The following ATRX variants were observed in gnomAD, a reference collection of about 807,000 sequenced individuals.
ATRX encodes the protein chromatin remodeler ATRX.
ATRX carries 12 observed loss-of-function variants against 172.6 expected under a neutral mutation model. That is an observed-to-expected ratio of 0.07 (90% CI 0.04 to 0.11). ATRX has a LOEUF of 0.11. ATRX is among the 10% of genes least tolerant of loss of function. ATRX has a pLI of 1.00. For synonymous variants in ATRX, 674 were observed against 594.7 expected, an observed-to-expected ratio of 1.13 and a Z score of -1.94; for missense variants, 1,368 against 1,767.4, an observed-to-expected ratio of 0.77 and a Z score of 4.05.
intron 21 of ATRX, among the ~76,000 whole-genome samples, chrX:77,618,076 A>C (rs1236775341): frequency 2.7e-5 from 3 of 111,574 alleles, no homozygotes; most frequent in East Asian, 5.6e-4. Flanking sequence ...ATTTTTTAAA[A>C]AAATATTTTT....
chrX:77,737,079 G>A (rs2074603836), intron 1 of ATRX, among the ~76,000 whole-genome samples: 1 of 109,847 alleles, frequency 9.1e-6, no homozygotes, highest in South Asian at 3.9e-4. Flanking sequence ...GGGGCAAGAT[G>A]TGGTGACGTT....
chrX:77,707,573 C>T (rs1028381813), intron 2 of ATRX, among the ~76,000 whole-genome samples: 9 of 110,921 alleles, frequency 8.1e-5, no homozygotes, highest in African/African-American at 3.0e-4. Flanking sequence ...ATTAAGACCC[C>T]ATCTCTATAA....
At chrX:77,570,195 T>C (rs1299657383) in intron 28 of ATRX, among the ~76,000 whole-genome samples, 2 of 110,832 alleles carry the variant, frequency 1.8e-5, no homozygotes, top group African/African-American at 3.3e-5. Context: ...TTTTTTTTTT[T>C]TGAGACAGTG....
chrX:77,544,669 C>CT (rs1418670112), intron 30 of ATRX, among the ~76,000 whole-genome samples: 2 of 107,295 alleles, frequency 1.9e-5, no homozygotes, highest in African/African-American at 6.8e-5. Context: ...TATGCGGTGT[C>CT]TGGTTTTTTG....
intron 30 of ATRX, among the ~76,000 whole-genome samples, chrX:77,529,779 G>T (rs140189528): frequency 8.9e-6 from 1 of 111,869 alleles, no homozygotes; most frequent in South Asian, 3.7e-4. Flanking sequence ...CTAGCATCAC[G>T]ATGATGCTAA....
intron 19 of ATRX, among the ~76,000 whole-genome samples, chrX:77,622,225 A>G (rs1157584724): frequency 8.9e-6 from 1 of 112,082 alleles, no homozygotes; most frequent in Non-Finnish European, 1.9e-5. Context: ...TCTCTGCAGC[A>G]CGGTTTGTTA....
intron 26 of ATRX, among the ~76,000 whole-genome samples, chrX:77,590,563 G>A (rs1557079824): frequency 2.0e-5 from 2 of 100,666 alleles, no homozygotes; most frequent in African/African-American, 7.4e-5. Context: ...AGTGAGTGGA[G>A]ATCGCACCAC....
chrX:77,573,418 T>C (rs992438741), intron 28 of ATRX, among the ~76,000 whole-genome samples: 1 of 111,717 alleles, frequency 9.0e-6, no homozygotes, highest in African/African-American at 3.2e-5. Flanking sequence ...AAGCAACATA[T>C]GACTATATAT....
rs1603268296 is a variant in ATRX, at chrX:77,717,322, A to C, written c.21-79T>G. On this transcript the variant is annotated intron_variant, in intron 1 of 34. Coordinates refer to ENST00000373344, the MANE Select transcript of ATRX (RefSeq NM_000489.6). ...TAATTGTAAAGCTCTAGCAAACTGA[A>C]AATATAGCCATACTGTAAGTCGTGT... 6 of 772,823 alleles carry C rather than the reference A, an allele frequency of 7.8e-6. No individual in the cohort carries two copies. In the East Asian group the frequency reaches 1.9e-4, roughly 25 times the overall value. The allele number at this position is 772,823 out of a possible 1,213,427, so 63.7% of individuals were successfully genotyped here.
intron 27 of ATRX, among the ~76,000 whole-genome samples, chrX:77,588,960 A>G (rs1482926312): frequency 8.9e-6 from 1 of 112,412 alleles, no homozygotes. Context: ...CAAAAACAAA[A>G]ATGAAAAATA....
Position 77,730,302 on chromosome X carries a change from C to A in ATRX, c.21-13059G>T, listed in dbSNP as rs187311617. 1.8e-3 allele frequency among the ~76,000 whole-genome samples: 197 copies of A among 112,140 alleles called. 1 individual carries two copies. The Middle Eastern group carries it at 0.018, about 10-fold the overall frequency. On this transcript the variant is annotated intron_variant, in intron 1 of 34. Coordinates refer to ENST00000373344, the MANE Select transcript of ATRX (RefSeq NM_000489.6). ...AGCAAGAGGATGTAACCATTTTAAA[C>A]ATAAATGCACCCAACACTGGAGCAC...
chrX:77,636,202 C>T (rs2068341204), intron 15 of ATRX, 146 bp from the exon 16 acceptor site: 1 of 591,243 alleles, frequency 1.7e-6, no homozygotes, highest in Admixed American at 2.9e-5. Flanking sequence ...TGTGTCCCCA[C>T]CAAATCTCAT....
chrX:77,697,340 T>A (rs952924212), intron 4 of ATRX, among the ~76,000 whole-genome samples: 2 of 111,624 alleles, frequency 1.8e-5, no homozygotes, highest in African/African-American at 6.5e-5. Context: ...GGGCCACTAA[T>A]ATATAATAAA....
intron 2 of ATRX, among the ~76,000 whole-genome samples, chrX:77,716,105 TA>T (rs1557164554): frequency 3.3e-3 from 276 of 84,618 alleles, no homozygotes; most frequent in African/African-American, 6.7e-3. Context: ...ACCATGTCTC[TA>T]AAAATTTTTT....
At chrX:77,623,395 C>A (rs1557101163) in intron 19 of ATRX, among the ~76,000 whole-genome samples, 1 of 111,077 alleles carries the variant, frequency 9.0e-6, no homozygotes, top group African/African-American at 3.3e-5. Context: ...CAGTAACAAG[C>A]AGCGAGACTG....
intron 30 of ATRX, among the ~76,000 whole-genome samples, chrX:77,532,916 G>A (rs2147810807): frequency 8.9e-6 from 1 of 111,830 alleles, no homozygotes; most frequent in South Asian, 3.7e-4. Context: ...ATAATATCCA[G>A]AATCTACAAG....
intron 24 of ATRX, 58 bp from the exon 25 acceptor site, chrX:77,599,638 GGA>G (rs1200347050): frequency 8.3e-7 from 1 of 1,198,272 alleles, no homozygotes; most frequent in Non-Finnish European, 1.1e-6. Context: ...GAAAAGCATA[GGA>G]AAGATGTAAA....
chrX:77,660,968 T>G (rs1339485142), intron 12 of ATRX, among the ~76,000 whole-genome samples: 1 of 112,208 alleles, frequency 8.9e-6, no homozygotes, highest in Non-Finnish European at 1.9e-5. Context: ...TCAATCTTCC[T>G]CTTCTCCAAC....
At chrX:77,538,266 C>T (rs2063830872) in intron 30 of ATRX, among the ~76,000 whole-genome samples, 1 of 108,794 alleles carries the variant, frequency 9.2e-6, no homozygotes, top group Non-Finnish European at 1.9e-5. Flanking sequence ...CACACACACA[C>T]CATGGAATAC....
Sources: allele counts gnomAD v4.1 joint callset (sites outside exome capture counted in the v4.1 genomes callset), GRCh38; gene constraint gnomAD v4.1.1; transcripts MANE v1.5; gene names NCBI Gene and HGNC (gene_info 2026-07-23, HGNC 2026-07-21).